The following CDKAL1 variants were observed in gnomAD, a reference collection of about 807,000 sequenced individuals.
CDKAL1 encodes the protein CDKAL1 threonylcarbamoyladenosine tRNA methylthiotransferase.
In CDKAL1, 32 loss-of-function variants were observed where a neutral mutation model predicts 68.2. The ratio of observed to expected loss-of-function variants is 0.47; its 90% CI spans 0.35 to 0.63. CDKAL1 has a LOEUF of 0.63. Ranked by LOEUF, CDKAL1 falls within the 30% of genes least tolerant of loss-of-function variation. The pLI is 0.00. For synonymous variants in CDKAL1, 234 were observed against 244.3 expected (o/e 0.96, Z 0.39); for missense variants, 606 against 696.7 (o/e 0.87, Z 1.47).
At chr6:20,836,303 A>T (rs905808882) in intron 8 of CDKAL1, among the ~76,000 whole-genome samples, 2 of 152,248 alleles carry the variant, frequency 1.3e-5, no homozygotes, top group Non-Finnish European at 2.9e-5. Context: ...TAATGTTTGC[A>T]TATTATACAA....
At chr6:20,973,162 T>C (rs1208401559) in intron 10 of CDKAL1, among the ~76,000 whole-genome samples, 1 of 152,078 alleles carries the variant, frequency 6.6e-6, no homozygotes, top group Non-Finnish European at 1.5e-5. Context: ...TGAATTGATA[T>C]ATGTAGAATG....
At chr6:21,052,275 A>C (rs940450834) in intron 11 of CDKAL1, among the ~76,000 whole-genome samples, 8 of 152,280 alleles carry the variant, frequency 5.3e-5, no homozygotes, top group African/African-American at 1.9e-4. Flanking sequence ...TCCTTCTTCA[A>C]GTCCTTCATG....
At chr6:21,088,390 T>C (rs1253529476) in intron 12 of CDKAL1, among the ~76,000 whole-genome samples, 3 of 152,204 alleles carry the variant, frequency 2.0e-5, no homozygotes, top group East Asian at 1.9e-4. Context: ...TCTACAGATA[T>C]GTAGTTAAAT....
At position 20,797,941 on chromosome 6, in the gene CDKAL1, G is replaced by A. The variant is rs1267564058; in HGVS notation, c.638+16676G>A. Among the ~76,000 whole-genome samples the A allele has an allele frequency of 5.3e-5, 8 of 151,344 alleles. No individual in the cohort carries two copies. In the South Asian group the frequency reaches 1.0e-3, roughly 20 times the overall value. The stretch of plus-strand genomic sequence containing the variant: ...AAGCAATCTTCCCACCTCAGCCCCC[G>A]GAGTAGCTGGGACTACAGGCATGTG... On this transcript the variant is annotated intron_variant, in intron 8 of 15. Coordinates refer to ENST00000274695, the MANE Select transcript of CDKAL1 (RefSeq NM_017774.3).
intron 11 of CDKAL1, among the ~76,000 whole-genome samples, chr6:21,020,545 A>C (rs1582042247): frequency 6.6e-6 from 1 of 151,918 alleles, no homozygotes; most frequent in Non-Finnish European, 1.5e-5. Flanking sequence ...TTGGCTCACC[A>C]CAACCTCTGC....
At chr6:20,879,301 G>A (rs1024160314) in intron 9 of CDKAL1, among the ~76,000 whole-genome samples, 1 of 152,182 alleles carries the variant, frequency 6.6e-6, no homozygotes, top group African/African-American at 2.4e-5. Context: ...GAGGCAGTAA[G>A]AGTCTCTAGT....
At chr6:20,840,251 A>G (rs936528112) in intron 8 of CDKAL1, among the ~76,000 whole-genome samples, 2 of 152,214 alleles carry the variant, frequency 1.3e-5, no homozygotes, top group East Asian at 3.8e-4. Flanking sequence ...AGCATTTGGC[A>G]GCTGTCTTTT....
At chr6:20,663,979 A>T (rs1269803272) in intron 5 of CDKAL1, among the ~76,000 whole-genome samples, 1 of 152,176 alleles carries the variant, frequency 6.6e-6, no homozygotes, top group Non-Finnish European at 1.5e-5. Flanking sequence ...TTGAAAAAAA[A>T]ATGGAGAATT....
chr6:20,916,848 C>G (rs1462829831), intron 9 of CDKAL1, among the ~76,000 whole-genome samples: 6 of 152,086 alleles, frequency 3.9e-5, no homozygotes, highest in Non-Finnish European at 8.8e-5. Flanking sequence ...GTGTATAAAA[C>G]TACCTTAGGA....
intron 8 of CDKAL1, among the ~76,000 whole-genome samples, chr6:20,799,047 T>TTTTTTG (rs1776249057): frequency 1.8e-5 from 2 of 109,024 alleles, no homozygotes; most frequent in Admixed American, 1.0e-4. Context: ...TGAGTTTTTT[T>TTTTTTG]TTTTTTTTTT....
At chr6:20,926,527 A>G (rs1763196146) in intron 9 of CDKAL1, among the ~76,000 whole-genome samples, 1 of 152,162 alleles carries the variant, frequency 6.6e-6, no homozygotes, top group African/African-American at 2.4e-5. Flanking sequence ...GTGAAAACAG[A>G]GTAAAAATAA....
chr6:20,826,438 T>C (rs1777505013), intron 8 of CDKAL1, among the ~76,000 whole-genome samples: 1 of 152,172 alleles, frequency 6.6e-6, no homozygotes, highest in Non-Finnish European at 1.5e-5. Flanking sequence ...ATAAATGGAA[T>C]TGTGTACTTC....
chr6:20,747,914 A>G (rs2745927), intron 6 of CDKAL1, among the ~76,000 whole-genome samples: 8,541 of 152,252 alleles, frequency 0.056, 269 homozygotes, highest in African/African-American at 0.095. Context: ...GCCAAGGCCA[A>G]TGTCAAAGAT....
In CDKAL1 at chr6:21,108,392, T is replaced by G. The variant is rs761263728; in HGVS notation, c.1237-9T>G. The G allele has an allele frequency of 6.2e-7, 1 of 1,600,904 alleles. No homozygotes were observed. The highest frequency in any genetic ancestry group is 2.2e-5 in the East Asian group (1 of 44,694). ...GTTGGTTTTTTGTTTTTTTTGTTTTTTTTCACAGAAAAAGCAAAGGACAAA... is the reference window on the plus strand; with the variant it reads ...GTTGGTTTTTTGTTTTTTTTGTTTTGTTTCACAGAAAAAGCAAAGGACAAA... On this transcript the variant is annotated splice_polypyrimidine_tract_variant and intron_variant, in intron 12 of 15. Coordinates refer to ENST00000274695, the MANE Select transcript of CDKAL1 (RefSeq NM_017774.3).
chr6:20,698,740 G>A (rs911016143), intron 5 of CDKAL1, among the ~76,000 whole-genome samples: 2 of 152,170 alleles, frequency 1.3e-5, no homozygotes, highest in African/African-American at 4.8e-5. Context: ...GGAGAGACGG[G>A]AAGAGTAAGA....
chr6:21,092,313 A>G (rs544740336), intron 12 of CDKAL1, among the ~76,000 whole-genome samples: 1 of 148,900 alleles, frequency 6.7e-6, no homozygotes, highest in Admixed American at 6.7e-5. Context: ...TTTGTTACAT[A>G]GGTATACATG....
intron 12 of CDKAL1, among the ~76,000 whole-genome samples, chr6:21,090,609 T>C (rs1772951725): frequency 2.0e-5 from 3 of 152,154 alleles, no homozygotes; most frequent in South Asian, 4.1e-4. Context: ...CATATATATA[T>C]GAAAGTATAC....
chr6:20,775,750 T>C (rs1247477868), intron 7 of CDKAL1, among the ~76,000 whole-genome samples: 1 of 152,212 alleles, frequency 6.6e-6, no homozygotes, highest in African/African-American at 2.4e-5. Flanking sequence ...ATAAAATAGG[T>C]AGTAAATAGT....
intron 5 of CDKAL1, among the ~76,000 whole-genome samples, chr6:20,724,185 G>A (rs1346151485): frequency 1.3e-5 from 2 of 151,986 alleles, no homozygotes; most frequent in Admixed American, 6.5e-5. Flanking sequence ...TGATCTGCCC[G>A]CCTTGGCCTC....
Sources: gnomAD v4.1 joint callset for allele counts (sites outside exome capture counted in the v4.1 genomes callset) on GRCh38, gnomAD v4.1.1 for gene constraint, MANE v1.5 for transcripts, NCBI Gene and HGNC (gene_info 2026-07-23, HGNC 2026-07-21) for gene names.